PPM1B: variants seen among roughly 807,000 people sequenced by gnomAD.
The protein encoded by PPM1B is protein phosphatase, Mg2+/Mn2+ dependent 1B, also known as protein phosphatase 1B.
Under a neutral mutation model 43.0 loss-of-function variants are expected in PPM1B, and 22 were observed. The observed-to-expected ratio is 0.51, with a 90% confidence interval of 0.37 to 0.73. The LOEUF (loss-of-function observed/expected upper bound fraction) is 0.73, where lower values mean the gene tolerates loss of function less well. PPM1B is among the 30% of genes least tolerant of loss of function. The pLI is 0.00. For missense variants in PPM1B, 632 were observed against 584.2 expected (o/e 1.08, Z -0.84); for synonymous variants, 217 against 197.9 (o/e 1.10, Z -0.81).
intron 1 of PPM1B, among the ~76,000 whole-genome samples, chr2:44,195,204 TC>T (rs965716864): frequency 1.8e-4 from 25 of 140,228 alleles, no homozygotes; most frequent in Admixed American, 2.8e-4. Context: ...TTTCTTTCTT[TC>T]TTTTTTTTTT....
downstream of PPM1B, among the ~76,000 whole-genome samples, chr2:44,235,542 G>A (rs1218040832): frequency 2.0e-5 from 3 of 147,758 alleles, no homozygotes; most frequent in East Asian, 2.0e-4. Context: ...GACGGAGGTT[G>A]CAGTGAGCTG....
chr2:44,233,483 A>T, downstream of PPM1B: 2 of 984,562 alleles, frequency 2.0e-6, no homozygotes, highest in Non-Finnish European at 2.4e-6. Flanking sequence ...CATGAAGAGT[A>T]AAGTATTTAT....
chr2:44,177,471 T>C (rs113608879), intron 1 of PPM1B, among the ~76,000 whole-genome samples: 1 of 137,976 alleles, frequency 7.2e-6, no homozygotes, highest in Non-Finnish European at 1.5e-5. Flanking sequence ...CAGGCTGGAG[T>C]GTAGTGGCAT....
intron 5 of PPM1B, among the ~76,000 whole-genome samples, chr2:44,223,762 GCCAAGATTGCA>G (rs1670081363): frequency 2.2e-5 from 3 of 138,802 alleles, no homozygotes; most frequent in African/African-American, 8.0e-5. Context: ...CTTGCGGTGA[GCCAAGATTGCA>G]CCACTGCACT....
At chr2:44,210,231 T>C (rs1349784333) in intron 3 of PPM1B, among the ~76,000 whole-genome samples, 1 of 151,710 alleles carries the variant, frequency 6.6e-6, no homozygotes, top group Non-Finnish European at 1.5e-5. Flanking sequence ...TTTTTTTTTT[T>C]TTTGAGATAG....
chr2:44,221,503 T>C (rs541623005), intron 5 of PPM1B, among the ~76,000 whole-genome samples: 21 of 152,262 alleles, frequency 1.4e-4, no homozygotes, highest in African/African-American at 5.1e-4. Context: ...GGGAGCTGGA[T>C]GTTAACTTGC....
At chr2:44,187,842 C>T (rs1226304120) in intron 1 of PPM1B, among the ~76,000 whole-genome samples, 7 of 152,054 alleles carry the variant, frequency 4.6e-5, no homozygotes, top group Non-Finnish European at 2.9e-5. Context: ...CTCCGCCTCC[C>T]GGGTTCACGC....
downstream of PPM1B, among the ~76,000 whole-genome samples, chr2:44,236,919 G>A (rs917327535): frequency 4.6e-5 from 7 of 152,160 alleles, no homozygotes; most frequent in African/African-American, 1.2e-4. Context: ...GTTTTGAGAA[G>A]CTAAATAGTA....
intron 1 of PPM1B, among the ~76,000 whole-genome samples, chr2:44,169,531 G>A (rs1476277888): frequency 1.3e-5 from 2 of 152,258 alleles, no homozygotes; most frequent in African/African-American, 2.4e-5. Flanking sequence ...GAGAATGGGA[G>A]TTTGCTGGAA....
chr2:44,202,577 A>G (rs1668991498), intron 2 of PPM1B, among the ~76,000 whole-genome samples: 1 of 149,976 alleles, frequency 6.7e-6, no homozygotes, highest in Non-Finnish European at 1.5e-5. Flanking sequence ...TGGCAATACA[A>G]TCTAAAAAGG....
chr2:44,206,025 AAAAC>A (rs1234189675), intron 2 of PPM1B, among the ~76,000 whole-genome samples: 1 of 152,206 alleles, frequency 6.6e-6, no homozygotes, highest in African/African-American at 2.4e-5. Flanking sequence ...CAAAAAAACA[AAAAC>A]AAACAAAAAA....
rs532581824 is a variant in PPM1B at position 44,222,121 on chromosome 2, G to A, written c.1134+3584G>A. On this transcript the variant is annotated intron_variant, in intron 5 of 5. Coordinates refer to ENST00000282412, the MANE Select transcript of PPM1B (RefSeq NM_002706.6). ...GTAAGTTGTCTTTATATTAGACAGG[G>A]CTCTGGGATCATACTCCTTCCCTTT... 7.9e-5 allele frequency among the ~76,000 whole-genome samples: 12 copies of A among 152,060 alleles called. No homozygotes were observed. In the East Asian group the frequency reaches 2.3e-3, roughly 29 times the overall value.
At chr2:44,199,732 T>G (rs887520208) in intron 1 of PPM1B, among the ~76,000 whole-genome samples, 1 of 152,178 alleles carries the variant, frequency 6.6e-6, no homozygotes, top group Admixed American at 6.5e-5. Context: ...TGAAAAATAA[T>G]TTTTACATGA....
At chr2:44,231,578 C>A, downstream of PPM1B, 1 of 558,024 alleles carries the variant, frequency 1.8e-6, no homozygotes. Flanking sequence ...ACATTTAGAA[C>A]ACTTTTGGCT....
intron 1 of PPM1B, among the ~76,000 whole-genome samples, chr2:44,191,274 A>T (rs548794223): frequency 2.0e-5 from 3 of 151,816 alleles, no homozygotes; most frequent in Non-Finnish European, 4.4e-5. Flanking sequence ...AGTGCAGTGG[A>T]GTGATCTCGG....
intron 5 of PPM1B, among the ~76,000 whole-genome samples, chr2:44,242,105 A>G (rs1465579105): frequency 6.6e-6 from 1 of 151,772 alleles, no homozygotes; most frequent in Non-Finnish European, 1.5e-5. Context: ...TGATCCACCC[A>G]CCTCGGCCTC....
At chr2:44,229,566 A>C (rs943440634) in intron 5 of PPM1B, among the ~76,000 whole-genome samples, 1 of 152,126 alleles carries the variant, frequency 6.6e-6, no homozygotes, top group Non-Finnish European at 1.5e-5. Context: ...TTGATCCTCT[A>C]TTCCCTTTTT....
chr2:44,233,562 A>G (rs1025678945), downstream of PPM1B: 9 of 985,690 alleles, frequency 9.1e-6, no homozygotes, highest in Admixed American at 2.5e-4. Flanking sequence ...CATGTTGTGG[A>G]TGCTTTGTAA....
rs1022136996 is a variant in PPM1B at position 44,229,993 on chromosome 2, C to T, written c.1135-420C>T. 8.8e-6 allele frequency: 14 copies of T among 1,582,504 alleles called. No homozygotes were observed. In the East Asian group the frequency reaches 2.9e-4, roughly 33 times the overall value. Reference sequence around the variant, plus strand: ...TGTTTTGTATTTCCTACTTATTTAGCAGAAATGATGAAGAAACTGTTCTGA... The same window carrying T: ...TGTTTTGTATTTCCTACTTATTTAGTAGAAATGATGAAGAAACTGTTCTGA... On this transcript the variant is annotated intron_variant, in intron 5 of 5. Coordinates refer to ENST00000282412, the MANE Select transcript of PPM1B (RefSeq NM_002706.6).
Sources: allele counts gnomAD v4.1 joint callset (sites outside exome capture counted in the v4.1 genomes callset), GRCh38; gene constraint gnomAD v4.1.1; transcripts MANE v1.5; gene names NCBI Gene and HGNC (gene_info 2026-07-23, HGNC 2026-07-21).